Variants in APBA1 observed in about 807,000 individuals in gnomAD.
APBA1 encodes amyloid-beta A4 precursor protein-binding family A member 1.
Under a neutral mutation model 86.6 loss-of-function variants are expected in APBA1, and 55 were observed. The observed-to-expected ratio is 0.64, with a 90% CI of 0.51 to 0.80. APBA1 has a LOEUF of 0.80. Ranked by LOEUF, APBA1 falls within the 30% of genes least tolerant of loss-of-function variation. The pLI is 0.00. For missense variants in APBA1, 1,090 were observed against 1,183.0 expected (o/e 0.92, Z 1.15); for synonymous variants, 511 against 493.9 (o/e 1.03, Z -0.46).
chr9:69,505,601 G>A (rs1336816116), intron 2 of APBA1, among the ~76,000 whole-genome samples: 1 of 152,110 alleles, frequency 6.6e-6, no homozygotes, highest in Non-Finnish European at 1.5e-5. Context: ...ACCACTTAAA[G>A]TAGCCAAAAC....
At chr9:69,608,090 C>T (rs751171439) in intron 1 of APBA1, among the ~76,000 whole-genome samples, 15 of 152,152 alleles carry the variant, frequency 9.9e-5, no homozygotes, top group African/African-American at 1.4e-4. Context: ...TAGATTATCA[C>T]GTTTACTTAA....
chr9:69,572,060 T>C (rs1225814974), intron 1 of APBA1, among the ~76,000 whole-genome samples: 1 of 152,202 alleles, frequency 6.6e-6, no homozygotes, highest in Non-Finnish European at 1.5e-5. Context: ...ATAGTGCTGC[T>C]AGTGTTATTA....
At chr9:69,456,132 C>T (rs1835092065) in intron 8 of APBA1, 115 bp downstream of exon 8, 1 of 1,173,260 alleles carries the variant, frequency 8.5e-7, no homozygotes, top group African/African-American at 1.5e-5. Context: ...CAGTGCCTGA[C>T]ACACAGTACG....
At chr9:69,623,467 G>C (rs1822866592) in intron 1 of APBA1, among the ~76,000 whole-genome samples, 1 of 151,922 alleles carries the variant, frequency 6.6e-6, no homozygotes, top group African/African-American at 2.4e-5. Context: ...ATAGAAGACA[G>C]CTGGGGACAA....
chr9:69,455,665 C>T (rs775744059), intron 8 of APBA1, among the ~76,000 whole-genome samples: 16 of 152,228 alleles, frequency 1.1e-4, no homozygotes, highest in Middle Eastern at 3.4e-3. Flanking sequence ...TGCTAACTTT[C>T]CTGTAGCCCA....
At chr9:69,488,714 C>T (rs1391331835) in intron 2 of APBA1, among the ~76,000 whole-genome samples, 1 of 152,166 alleles carries the variant, frequency 6.6e-6, no homozygotes, top group African/African-American at 2.4e-5. Context: ...GACACAGAAT[C>T]ATGTCCTGTC....
intron 1 of APBA1, among the ~76,000 whole-genome samples, chr9:69,670,264 GTTT>G (rs1347813973): frequency 6.6e-6 from 1 of 152,008 alleles, no homozygotes; most frequent in East Asian, 1.9e-4. Flanking sequence ...GATAGCCCTA[GTTT>G]TATTATTTTC....
rs1836513302 is a variant in APBA1, at chr9:69,536,513, T to C, written c.-69-19234A>G. ...ACACATTTTCTATAGCGGTAAAATA[T>C]ATATAACATAAATTTTACCACTTGA... On this transcript the variant is annotated intron_variant, in intron 1 of 12. Coordinates refer to ENST00000265381, the MANE Select transcript of APBA1 (RefSeq NM_001163.4). Among the ~76,000 whole-genome samples, 2 of 151,662 alleles carry C rather than the reference T, an allele frequency of 1.3e-5. 1 individual carries two copies. Among genetic ancestry groups the C allele is most frequent in the Non-Finnish European group, 2.9e-5 (2 of 67,858 alleles).
chr9:69,473,161 A>G (rs758466935), intron 3 of APBA1, among the ~76,000 whole-genome samples: 8 of 152,208 alleles, frequency 5.3e-5, no homozygotes, highest in Non-Finnish European at 1.2e-4. Flanking sequence ...AATAAAAGCC[A>G]GGATATGTGG....
intron 1 of APBA1, among the ~76,000 whole-genome samples, chr9:69,583,325 A>T (rs1211793199): frequency 6.6e-6 from 1 of 152,128 alleles, no homozygotes; most frequent in Non-Finnish European, 1.5e-5. Context: ...AAAAAACCCC[A>T]GGTCTCCTTT....
rs189811363 is a variant in APBA1, at chr9:69,594,236, G to A, written c.-69-76957C>T. Reference sequence around the variant, plus strand: ...CAAACTTCAATGTGCCTAAAATCACGGGGGTAGGGGGTGTCTTTAAAATGC... The same window carrying A: ...CAAACTTCAATGTGCCTAAAATCACAGGGGTAGGGGGTGTCTTTAAAATGC... On this transcript the variant is annotated intron_variant, in intron 1 of 12. Coordinates refer to ENST00000265381, the MANE Select transcript of APBA1 (RefSeq NM_001163.4). 3.9e-5 allele frequency among the ~76,000 whole-genome samples: 6 copies of A among 152,246 alleles called. No individual in the cohort carries two copies. The East Asian group carries it at 7.7e-4, about 20-fold the overall frequency.
At chr9:69,434,839 C>T (rs927524438) in intron 11 of APBA1, among the ~76,000 whole-genome samples, 2 of 151,852 alleles carry the variant, frequency 1.3e-5, no homozygotes, top group Non-Finnish European at 2.9e-5. Context: ...TACATGGGCA[C>T]AACGTGCAGG....
At chr9:69,630,128 T>C (rs557985776) in intron 1 of APBA1, among the ~76,000 whole-genome samples, 1 of 150,048 alleles carries the variant, frequency 6.7e-6, no homozygotes, top group East Asian at 2.0e-4. Flanking sequence ...GGGTCACAAT[T>C]CAAAATGGGG....
At chr9:69,634,377 C>T (rs913990540) in intron 1 of APBA1, among the ~76,000 whole-genome samples, 8 of 152,150 alleles carry the variant, frequency 5.3e-5, no homozygotes, top group African/African-American at 1.9e-4. Context: ...CCATTCTGGT[C>T]GTTGCAACTT....
Position 69,601,796 on chromosome 9 carries a change from A to T in APBA1, c.-70+70357T>A, listed in dbSNP as rs143199597. ...GAATCAAACAATCTCAATAGACAGG[A>T]ACTTACTTTTATTTCTGACTCAGAA... On this transcript the variant is annotated intron_variant, in intron 1 of 12. Transcript: ENST00000265381. Among the ~76,000 whole-genome samples the T allele has an allele frequency of 5.9e-3, 900 of 152,322 alleles. 8 individuals are homozygous for T. The highest frequency in any genetic ancestry group is 0.021 in the African/African-American group (855 of 41,560).
At chr9:69,496,016 T>G (rs886961342) in intron 2 of APBA1, among the ~76,000 whole-genome samples, 10 of 151,988 alleles carry the variant, frequency 6.6e-5, no homozygotes, top group Non-Finnish European at 1.3e-4. Context: ...GCCAATACGG[T>G]TTGAACCAAA....
rs371488516 is a variant in APBA1 at position 69,441,097 on chromosome 9, G to C, written c.2200C>G (p.Arg734Gly). 8 of 1,613,840 alleles carry C rather than the reference G, an allele frequency of 5.0e-6. No homozygotes were observed. Among genetic ancestry groups the C allele is most frequent in the South Asian group, 3.3e-5 (3 of 91,070 alleles). ...SIIKGLKNQS[R>G]VKLNIVRCPP... ...CATCTCACGATATTCAGCTTGACTC[G>C]GGACTGATTCTTTAAGCCCTTAAAC... Residue 734 changes from arginine to glycine, a missense_variant, in exon 11 of 13, where the codon CGA becomes GGA. This residue lies in a region of APBA1 where 119 missense variants were observed against 124.8 expected (regional missense o/e 0.95). Transcript: ENST00000265381.
chr9:69,624,436 G>A (rs1822887492), intron 1 of APBA1, among the ~76,000 whole-genome samples: 1 of 152,098 alleles, frequency 6.6e-6, no homozygotes, highest in South Asian at 2.1e-4. Context: ...ATTAAAGAAA[G>A]TGCCCACAAA....
At chr9:69,514,213 CT>C (rs1836096894) in intron 2 of APBA1, among the ~76,000 whole-genome samples, 1 of 152,178 alleles carries the variant, frequency 6.6e-6, no homozygotes, top group South Asian at 2.1e-4. Context: ...GAATACATAT[CT>C]TTTGTGAAGT....
Sources: allele counts gnomAD v4.1 joint callset (sites outside exome capture counted in the v4.1 genomes callset), GRCh38; gene constraint gnomAD v4.1.1; regional missense constraint gnomAD v4.1.1; transcripts MANE v1.5; gene names NCBI Gene and HGNC (gene_info 2026-07-23, HGNC 2026-07-21).